Variants in SLC25A12 observed in about 807,000 individuals in gnomAD.
SLC25A12 encodes the protein solute carrier family 25 member 12.
SLC25A12 carries 32 observed loss-of-function variants against 83.3 expected under a neutral mutation model. The observed-to-expected ratio is 0.38, with a 90% CI of 0.29 to 0.52. The LOEUF is 0.52. SLC25A12 is among the 20% of genes least tolerant of loss of function. SLC25A12 has a pLI of 0.84. For missense variants in SLC25A12, 611 were observed against 835.6 expected, an observed-to-expected ratio of 0.73 and a Z score of 3.31; for synonymous variants, 267 against 291.1, an observed-to-expected ratio of 0.92 and a Z score of 0.84.
At chr2:171,825,979 C>T (rs939927975) in intron 9 of SLC25A12, among the ~76,000 whole-genome samples, 1 of 151,968 alleles carries the variant, frequency 6.6e-6, no homozygotes, top group African/African-American at 2.4e-5. Context: ...TTATAAAAAC[C>T]AAAAGTAATA....
In SLC25A12 at chr2:171,867,755, C is replaced by T. The variant is rs948659223; in HGVS notation, c.209+926G>A. Among the ~76,000 whole-genome samples, 42 of 152,190 alleles carry T rather than the reference C, an allele frequency of 2.8e-4. 1 individual carries two copies. The highest frequency in any genetic ancestry group is 4.6e-4 in the Admixed American group (7 of 15,270). ...AAATATAGGATGCCAGTATTTATTGCCTTAGCTCTTTGCAGCTCCTCTGTT... is the reference window on the plus strand; with the variant it reads ...AAATATAGGATGCCAGTATTTATTGTCTTAGCTCTTTGCAGCTCCTCTGTT... On this transcript the variant is annotated intron_variant, in intron 3 of 17. Coordinates refer to ENST00000422440, the MANE Select transcript of SLC25A12 (RefSeq NM_003705.5).
intron 3 of SLC25A12, 65 bp from the exon 4 acceptor site, chr2:171,856,014 C>T (rs1685037700): frequency 1.1e-6 from 1 of 891,458 alleles, no homozygotes; most frequent in East Asian, 2.4e-5. Context: ...ATTTAATCTG[C>T]CTTTACTATA....
chr2:171,887,325 G>T (rs1685842213), intron 2 of SLC25A12, among the ~76,000 whole-genome samples: 1 of 151,956 alleles, frequency 6.6e-6, no homozygotes, highest in African/African-American at 2.4e-5. Context: ...TTGTTACATT[G>T]GTGATAATGA....
At chr2:171,866,380 A>AGG (rs1685303087) in intron 3 of SLC25A12, among the ~76,000 whole-genome samples, 1 of 142,670 alleles carries the variant, frequency 7.0e-6, no homozygotes, top group Non-Finnish European at 1.5e-5. Flanking sequence ...GGCCGGGCAG[A>AGG]GGGGCTCCTC....
At chr2:171,819,072 G>A (rs1684115954) in intron 9 of SLC25A12, among the ~76,000 whole-genome samples, 2 of 145,044 alleles carry the variant, frequency 1.4e-5, no homozygotes, top group Admixed American at 1.4e-4. Flanking sequence ...GACAGTATAG[G>A]AGAAGGAGAT....
At position 171,793,786 on chromosome 2, in the gene SLC25A12, A is replaced by G. The variant is rs1683538517; in HGVS notation, c.1306-19T>C. The G allele has an allele frequency of 6.2e-7, 1 of 1,614,032 alleles. No individual in the cohort carries two copies. Among genetic ancestry groups the G allele is most frequent in the Admixed American group, 1.7e-5 (1 of 60,004 alleles). ...CTCCAGCCTGTAGGCAAGGGAGAAG[A>G]GACAGGCAGATTCCACATCAGAGCC... On this transcript the variant is annotated intron_variant, in intron 13 of 17. Transcript: ENST00000422440.
At chr2:171,892,851 A>G (rs1685972383) in intron 2 of SLC25A12, among the ~76,000 whole-genome samples, 1 of 152,206 alleles carries the variant, frequency 6.6e-6, no homozygotes, top group South Asian at 2.1e-4. Context: ...TAAACATGCA[A>G]CTTTCAAGGA....
At chr2:171,825,565 A>T (rs1684283621) in intron 9 of SLC25A12, among the ~76,000 whole-genome samples, 1 of 151,928 alleles carries the variant, frequency 6.6e-6, no homozygotes, top group Non-Finnish European at 1.5e-5. Flanking sequence ...CACATTTAGT[A>T]ACTGTCTCTC....
Position 171,849,103 on chromosome 2 carries a change from T to C in SLC25A12, c.326-4595A>G, listed in dbSNP as rs561975266. On this transcript the variant is annotated intron_variant, in intron 4 of 17. Transcript: ENST00000422440. ...TACTAGGGAAGCTGAGGCAGAAGGATCACTAGAACCCAGGAGGTGGAGGTT... is the reference window on the plus strand; with the variant it reads ...TACTAGGGAAGCTGAGGCAGAAGGACCACTAGAACCCAGGAGGTGGAGGTT... Among the ~76,000 whole-genome samples the C allele has an allele frequency of 4.0e-4, 61 of 152,184 alleles. No homozygotes were observed. The Middle Eastern group carries it at 0.01, about 25-fold the overall frequency.
intron 13 of SLC25A12, among the ~76,000 whole-genome samples, chr2:171,794,071 A>ACC (rs1452206490): frequency 6.6e-6 from 1 of 152,080 alleles, no homozygotes; most frequent in Non-Finnish European, 1.5e-5. Flanking sequence ...AACAAAATAA[A>ACC]CCCATTTGGA....
intron 9 of SLC25A12, among the ~76,000 whole-genome samples, chr2:171,819,438 T>G (rs112596775): frequency 1.1e-5 from 1 of 90,224 alleles, no homozygotes; most frequent in Admixed American, 1.5e-4. Flanking sequence ...CATAATAATA[T>G]ATAATATATA....
At chr2:171,860,053 G>A (rs1301814194) in intron 3 of SLC25A12, among the ~76,000 whole-genome samples, 1 of 152,156 alleles carries the variant, frequency 6.6e-6, no homozygotes, top group African/African-American at 2.4e-5. Context: ...ACAGCCATGA[G>A]CCACTGCGCC....
chr2:171,804,379 C>G (rs1276673761), intron 13 of SLC25A12, among the ~76,000 whole-genome samples: 1 of 152,136 alleles, frequency 6.6e-6, no homozygotes, highest in East Asian at 1.9e-4. Flanking sequence ...CTGCCTCAGC[C>G]TCCCAAGTAG....
At chr2:171,884,427 G>C (rs1476897337) in intron 2 of SLC25A12, among the ~76,000 whole-genome samples, 1 of 151,208 alleles carries the variant, frequency 6.6e-6, no homozygotes, top group African/African-American at 2.4e-5. Flanking sequence ...CTGACCTCGT[G>C]GTCTGCTCTG....
chr2:171,881,740 T>C (rs1240215837), intron 2 of SLC25A12, among the ~76,000 whole-genome samples: 1 of 152,224 alleles, frequency 6.6e-6, no homozygotes, highest in African/African-American at 2.4e-5. Flanking sequence ...TTCATCCTCA[T>C]ACCTCTAGCA....
intron 4 of SLC25A12, among the ~76,000 whole-genome samples, chr2:171,854,187 GA>G (rs1684995640): frequency 6.6e-6 from 1 of 152,192 alleles, no homozygotes; most frequent in Admixed American, 6.5e-5. Context: ...TGTTTCTGAG[GA>G]AAGTCAACAT....
At chr2:171,787,509 A>G in intron 17 of SLC25A12, 62 bp downstream of exon 17, 1 of 1,282,922 alleles carries the variant, frequency 7.8e-7, no homozygotes, top group Admixed American at 1.7e-5. Context: ...TTTTGTAGAC[A>G]GAACAAACAT....
chr2:171,800,872 A>C (rs1275032892), intron 13 of SLC25A12, among the ~76,000 whole-genome samples: 1 of 152,210 alleles, frequency 6.6e-6, no homozygotes, highest in East Asian at 1.9e-4. Context: ...CATCTCGTGC[A>C]CTCCATTTAC....
At chr2:171,802,732 C>T (rs1004246499) in intron 13 of SLC25A12, among the ~76,000 whole-genome samples, 2 of 152,130 alleles carry the variant, frequency 1.3e-5, no homozygotes, top group Admixed American at 6.6e-5. Flanking sequence ...GCCAAGATCA[C>T]GCTACTGCAC....
Sources: allele counts gnomAD v4.1 joint callset (sites outside exome capture counted in the v4.1 genomes callset), GRCh38; gene constraint gnomAD v4.1.1; transcripts MANE v1.5; gene names NCBI Gene and HGNC (gene_info 2026-07-23, HGNC 2026-07-21).